Variants in EVI5 observed in about 807,000 individuals in gnomAD.
EVI5 encodes ecotropic viral integration site 5.
In EVI5, 73 loss-of-function variants were observed where a neutral mutation model predicts 112.0. The ratio of observed to expected loss-of-function variants is 0.65; its 90% CI spans 0.54 to 0.79. The LOEUF (loss-of-function observed/expected upper bound fraction) is 0.79. EVI5 is among the 30% of genes least tolerant of loss of function. The pLI, the probability that EVI5 is intolerant of heterozygous loss-of-function variation, is 0.00. For synonymous variants in EVI5, 305 were observed against 319.9 expected (o/e 0.95, Z 0.50); for missense variants, 900 against 968.8 (o/e 0.93, Z 0.94).
intron 2 of EVI5, among the ~76,000 whole-genome samples, chr1:92,716,817 T>C (rs753403877): frequency 1.4e-5 from 2 of 142,676 alleles, no homozygotes; most frequent in Non-Finnish European, 3.0e-5. Context: ...GAGAACTACA[T>C]GACGCATGCA....
At chr1:92,739,030 G>T (rs1677908152) in intron 1 of EVI5, among the ~76,000 whole-genome samples, 1 of 152,018 alleles carries the variant, frequency 6.6e-6, no homozygotes. Flanking sequence ...CCAACACTTT[G>T]GGAGGCCAAC....
intron 16 of EVI5, 26 bp from the exon 17 acceptor site, chr1:92,607,753 A>C (rs768976287): frequency 5.2e-6 from 8 of 1,526,906 alleles, no homozygotes; most frequent in Non-Finnish European, 7.1e-6. Flanking sequence ...ATAAATACTG[A>C]GACTATAGAT....
At chr1:92,727,430 T>C (rs1302929628) in intron 2 of EVI5, among the ~76,000 whole-genome samples, 4 of 152,130 alleles carry the variant, frequency 2.6e-5, no homozygotes, top group African/African-American at 9.7e-5. Context: ...TAAGTAGAAA[T>C]TATGTATACC....
intron 1 of EVI5, among the ~76,000 whole-genome samples, chr1:92,747,072 T>G (rs1679366736): frequency 1.3e-5 from 2 of 152,252 alleles, no homozygotes; most frequent in Admixed American, 6.5e-5. Context: ...AGGTTCCACA[T>G]CCGCAGGTTC....
intron 14 of EVI5, among the ~76,000 whole-genome samples, chr1:92,627,785 T>C (rs541328076): frequency 2.0e-5 from 3 of 152,224 alleles, no homozygotes; most frequent in East Asian, 1.9e-4. Flanking sequence ...TAGTGATGTT[T>C]AGTATTTTTT....
At chr1:92,779,569 G>C (rs949728296) in intron 1 of EVI5, among the ~76,000 whole-genome samples, 1 of 151,776 alleles carries the variant, frequency 6.6e-6, no homozygotes, top group African/African-American at 2.4e-5. Flanking sequence ...TTCTCAGAGA[G>C]ATAAGAACAG....
At chr1:92,538,557 AG>A (rs1324191286) in intron 19 of EVI5, among the ~76,000 whole-genome samples, 1 of 152,216 alleles carries the variant, frequency 6.6e-6, no homozygotes, top group African/African-American at 2.4e-5. Context: ...CCTAGTGTTT[AG>A]GTGACAAGTG....
At chr1:92,536,129 C>T (rs1203072862) in intron 19 of EVI5, among the ~76,000 whole-genome samples, 1 of 152,168 alleles carries the variant, frequency 6.6e-6, no homozygotes, top group Non-Finnish European at 1.5e-5. Flanking sequence ...TTTAAGACAT[C>T]TGACACACTC....
chr1:92,646,114 T>C (rs1660911556), intron 13 of EVI5, among the ~76,000 whole-genome samples: 1 of 152,206 alleles, frequency 6.6e-6, no homozygotes, highest in Non-Finnish European at 1.5e-5. Context: ...CTTAAATGTG[T>C]CGAGTTTCTT....
At chr1:92,586,990 T>C (rs953782451) in intron 18 of EVI5, among the ~76,000 whole-genome samples, 1 of 152,134 alleles carries the variant, frequency 6.6e-6, no homozygotes, top group African/African-American at 2.4e-5. Context: ...CAAACTCCCC[T>C]AATTCTTAAC....
chr1:92,745,036 T>C (rs949750368), intron 1 of EVI5, among the ~76,000 whole-genome samples: 1 of 151,004 alleles, frequency 6.6e-6, no homozygotes, highest in African/African-American at 2.4e-5. Flanking sequence ...GCTCAAGCAA[T>C]CCTCCCACCT....
chr1:92,519,912 A>T (rs1660604874), intron 19 of EVI5, among the ~76,000 whole-genome samples: 1 of 151,702 alleles, frequency 6.6e-6, no homozygotes, highest in African/African-American at 2.4e-5. Context: ...AAAAAAAAAA[A>T]AAAGAATATG....
chr1:92,790,604 A>T (rs1000225260), intron 1 of EVI5, among the ~76,000 whole-genome samples: 1 of 151,890 alleles, frequency 6.6e-6, no homozygotes, highest in Non-Finnish European at 1.5e-5. Context: ...TACAATATGA[A>T]TCTGAAAGGT....
At position 92,760,665 on chromosome 1, in the gene EVI5, C is replaced by T. The variant is rs146495990; in HGVS notation, c.-81-24038G>A. Among the ~76,000 whole-genome samples the T allele has an allele frequency of 4.2e-3, 630 of 148,886 alleles. 3 individuals are homozygous for T. The highest frequency in any genetic ancestry group is 0.015 in the African/African-American group (608 of 40,296). ...AGGAGAATTGCTTGAACCCAGGAGGCGGAGGTTGCAGTGACGCAAGATCGC... is the reference window on the plus strand; with the variant it reads ...AGGAGAATTGCTTGAACCCAGGAGGTGGAGGTTGCAGTGACGCAAGATCGC... On this transcript the variant is annotated intron_variant, in intron 1 of 19. Transcript: ENST00000684568.
chr1:92,750,463 C>T (rs1680003441), intron 1 of EVI5, among the ~76,000 whole-genome samples: 1 of 152,192 alleles, frequency 6.6e-6, no homozygotes, highest in African/African-American at 2.4e-5. Flanking sequence ...AAAACTAACA[C>T]TTTCACGAAC....
At chr1:92,714,617 T>C (rs537557030) in intron 2 of EVI5, among the ~76,000 whole-genome samples, 1 of 152,272 alleles carries the variant, frequency 6.6e-6, no homozygotes, top group African/African-American at 2.4e-5. Context: ...AAAGAGAGGG[T>C]CTTGCTCTGT....
chr1:92,575,204 T>C (rs1670870756), intron 18 of EVI5, among the ~76,000 whole-genome samples: 1 of 152,218 alleles, frequency 6.6e-6, no homozygotes, highest in Non-Finnish European at 1.5e-5. Flanking sequence ...ATTCACCAAT[T>C]ACCATTTTGC....
intron 19 of EVI5, among the ~76,000 whole-genome samples, chr1:92,525,115 A>G (rs991577516): frequency 7.2e-5 from 11 of 152,162 alleles, no homozygotes; most frequent in African/African-American, 2.7e-4. Flanking sequence ...CGCAGGAATC[A>G]CTGGCGCCCA....
At position 92,584,195 on chromosome 1, in the gene EVI5, G is replaced by A. The variant is rs377121498; in HGVS notation, c.2071-20458C>T. On this transcript the variant is annotated intron_variant, in intron 18 of 19. Coordinates refer to ENST00000684568, the MANE Select transcript of EVI5 (RefSeq NM_001350197.2). ...GATATATTCAAGTGCTCTCTCTTTC[G>A]TAAAAAATCAAACCTTTTTAGAGAC... 3.7e-4 allele frequency among the ~76,000 whole-genome samples: 57 copies of A among 152,034 alleles called. 1 individual carries two copies. In the South Asian group the frequency reaches 0.01, roughly 28 times the overall value.
Sources: gnomAD v4.1 joint callset for allele counts (sites outside exome capture counted in the v4.1 genomes callset) on GRCh38, gnomAD v4.1.1 for gene constraint, MANE v1.5 for transcripts, NCBI Gene and HGNC (gene_info 2026-07-23, HGNC 2026-07-21) for gene names.